KIRREL3: variants seen among roughly 807,000 people sequenced by gnomAD.
The protein encoded by KIRREL3 is kin of IRRE-like protein 3.
Under a neutral mutation model 89.7 loss-of-function variants are expected in KIRREL3, and 36 were observed. The ratio of observed to expected loss-of-function variants is 0.40; its 90% CI spans 0.31 to 0.53. KIRREL3 has a LOEUF of 0.53. Among genes scored for constraint, KIRREL3 ranks in the 20% least tolerant of loss-of-function variants. The pLI is 0.49. For synonymous variants in KIRREL3, 445 were observed against 441.4 expected, an observed-to-expected ratio of 1.01 and a Z score of -0.10; for missense variants, 864 against 1,056.6, an observed-to-expected ratio of 0.82 and a Z score of 2.53.
chr11:126,424,542 C>T lies in KIRREL3; in HGVS notation c.*38G>A, dbSNP rs763505983. 1 of 1,601,340 alleles carries T rather than the reference C, an allele frequency of 6.2e-7. No homozygotes were observed. Among genetic ancestry groups the T allele is most frequent in the Non-Finnish European group, 8.5e-7 (1 of 1,171,556 alleles). ...CTGGACAACCAGAACGTGCCCTGAC[C>T]TCTTCCCTGGCCCGTCCCCACCCGC... On this transcript the variant is annotated 3_prime_UTR_variant, in exon 17 of 17. Transcript: ENST00000525144.
rs886758853 is a variant in KIRREL3, at chr11:126,683,593, T to C, written c.56-120681A>G. Among the ~76,000 whole-genome samples the C allele has an allele frequency of 1.3e-5, 2 of 152,216 alleles. No individual in the cohort carries two copies. Among genetic ancestry groups the C allele is most frequent in the African/African-American group, 2.4e-5 (1 of 41,460 alleles). Reference sequence around the variant, plus strand: ...GGCACGTGATGCTCAGCACATTGCCTGACAATACTAAGTGTTCAACCAATG... The same window carrying C: ...GGCACGTGATGCTCAGCACATTGCCCGACAATACTAAGTGTTCAACCAATG... On this transcript the variant is annotated intron_variant, in intron 1 of 16. Transcript: ENST00000525144. This position sits in a 1 kb window ranked among gnomAD's most constrained non-coding sequence, Gnocchi z 5.2.
chr11:126,657,008 T>C (rs956384448), intron 1 of KIRREL3, among the ~76,000 whole-genome samples: 10 of 151,618 alleles, frequency 6.6e-5, no homozygotes, highest in Non-Finnish European at 1.0e-4. Context: ...GCTGAGATCA[T>C]GCCACTGCAC....
rs945513944 is a variant in KIRREL3, at chr11:126,993,951, G to A, written c.55+6504C>T. ...TGCAACAACAATCCACTGAATACAG[G>A]CCAAGTGAGCAGACCATCTAGATAA... On this transcript the variant is annotated intron_variant, in intron 1 of 16. Transcript: ENST00000525144. This position sits in a 1 kb window ranked among gnomAD's most constrained non-coding sequence, Gnocchi z 6.1. 6.6e-6 allele frequency among the ~76,000 whole-genome samples: 1 copy of A among 152,212 alleles called. No homozygotes were observed. The highest frequency in any genetic ancestry group is 2.1e-4 in the South Asian group (1 of 4,818).
intron 1 of KIRREL3, among the ~76,000 whole-genome samples, chr11:126,801,255 G>C (rs1325399267): frequency 6.6e-6 from 1 of 152,060 alleles, no homozygotes; most frequent in Admixed American, 6.5e-5. Context: ...ACAGTTAATT[G>C]ACAATTTTTG....
At chr11:126,693,029 G>A (rs1236743215) in intron 1 of KIRREL3, among the ~76,000 whole-genome samples, 1 of 152,144 alleles carries the variant, frequency 6.6e-6, no homozygotes, top group Non-Finnish European at 1.5e-5. Context: ...TCCTGCTCAC[G>A]CCCTTGGAAA....
rs998877957 is a variant in KIRREL3 at position 126,989,980 on chromosome 11, G to T, written c.55+10475C>A. 6.6e-6 allele frequency among the ~76,000 whole-genome samples: 1 copy of T among 152,062 alleles called. No homozygotes were observed. Among genetic ancestry groups the T allele is most frequent in the Non-Finnish European group, 1.5e-5 (1 of 68,030 alleles). ...CCTCATTTTAGCATCTGTTTGTTTTGTTTTTTCAGCATTTGCGGGGAATGA... is the reference window on the plus strand; with the variant it reads ...CCTCATTTTAGCATCTGTTTGTTTTTTTTTTTCAGCATTTGCGGGGAATGA... On this transcript the variant is annotated intron_variant, in intron 1 of 16. Transcript: ENST00000525144. This position sits in a 1 kb window ranked among gnomAD's most constrained non-coding sequence, Gnocchi z 6.2.
At chr11:126,698,831 G>C (rs1044452602) in intron 1 of KIRREL3, among the ~76,000 whole-genome samples, 2 of 152,222 alleles carry the variant, frequency 1.3e-5, no homozygotes, top group Non-Finnish European at 2.9e-5. Context: ...AGGTGGCCTC[G>C]TGCACAGAGC....
rs767510968 is a variant in KIRREL3, at chr11:126,996,691, C to G, written c.55+3764G>C. Among the ~76,000 whole-genome samples the G allele has an allele frequency of 6.6e-6, 1 of 152,186 alleles. No homozygotes were observed. The highest frequency in any genetic ancestry group is 1.5e-5 in the Non-Finnish European group (1 of 68,028). ...CTGCTGACAGCCCCTTTTGGTGTTT[C>G]CAGCCAGGCAGGAGAGCAAGTGGGC... On this transcript the variant is annotated intron_variant, in intron 1 of 16. Transcript: ENST00000525144. This position sits in a 1 kb window ranked among gnomAD's most constrained non-coding sequence, Gnocchi z 4.7.
chr11:126,514,767 G>A (rs751569266), intron 4 of KIRREL3, among the ~76,000 whole-genome samples: 2 of 152,086 alleles, frequency 1.3e-5, no homozygotes, highest in African/African-American at 2.4e-5. Flanking sequence ...TTTCAAGTGC[G>A]GGCAATCTGG....
At chr11:126,971,003 G>C (rs943945200) in intron 1 of KIRREL3, among the ~76,000 whole-genome samples, 1 of 152,180 alleles carries the variant, frequency 6.6e-6, no homozygotes, top group Non-Finnish European at 1.5e-5. Flanking sequence ...AACATGTTTA[G>C]TAAACATTGC....
chr11:126,456,554 G>C, intron 6 of KIRREL3, 100 bp from the exon 7 acceptor site: 1 of 785,336 alleles, frequency 1.3e-6, no homozygotes, highest in East Asian at 2.7e-5. Context: ...ACCACCCAGG[G>C]ACCCTCAGAG....
At position 126,788,757 on chromosome 11, in the gene KIRREL3, C is replaced by A. The variant is rs1423233354; in HGVS notation, c.55+211698G>T. On this transcript the variant is annotated intron_variant, in intron 1 of 16. Coordinates refer to ENST00000525144, the MANE Select transcript of KIRREL3 (RefSeq NM_032531.4). This position sits in a 1 kb window ranked among gnomAD's most constrained non-coding sequence, Gnocchi z 4.1. The stretch of plus-strand genomic sequence containing the variant: ...GATCTGGAAGCCGTCAGAGTTCAAT[C>A]TGGAGTCATCCAGGCAGCTGCATGT... Among the ~76,000 whole-genome samples the A allele has an allele frequency of 2.0e-5, 3 of 152,174 alleles. No homozygotes were observed. Among genetic ancestry groups the A allele is most frequent in the Non-Finnish European group, 4.4e-5 (3 of 68,038 alleles).
At chr11:126,716,987 A>C (rs1473724617) in intron 1 of KIRREL3, among the ~76,000 whole-genome samples, 2 of 152,158 alleles carry the variant, frequency 1.3e-5, no homozygotes, top group Admixed American at 1.3e-4. Context: ...CGTTTTTGAC[A>C]GATGAATGAC....
rs1947117268 is a variant in KIRREL3 at position 126,696,815 on chromosome 11, C to T, written c.56-133903G>A. On this transcript the variant is annotated intron_variant, in intron 1 of 16. Transcript: ENST00000525144. The surrounding 1 kb of genome is among the most constrained non-coding windows in gnomAD (Gnocchi z 4.4). ...GCTCCCTACATACAAAGGGCAGGAG[C>T]TAGACTGTGGAATGAGGTTGACTAG... Among the ~76,000 whole-genome samples, 1 of 152,158 alleles carries T rather than the reference C, an allele frequency of 6.6e-6. No homozygotes were observed. Among genetic ancestry groups the T allele is most frequent in the African/African-American group, 2.4e-5 (1 of 41,420 alleles).
intron 1 of KIRREL3, among the ~76,000 whole-genome samples, chr11:126,726,565 G>A (rs537809543): frequency 7.9e-5 from 12 of 152,096 alleles, no homozygotes; most frequent in East Asian, 3.9e-4. Flanking sequence ...TTGGGGTTTC[G>A]CCATGTTGGC....
At chr11:126,442,313 AACACACACACAC>A (rs71984147) in intron 10 of KIRREL3, among the ~76,000 whole-genome samples, 234 of 136,600 alleles carry the variant, frequency 1.7e-3, no homozygotes, top group Middle Eastern at 7.5e-3. Context: ...AGACACACAA[AACACACACACAC>A]ACACACACAC....
rs1409346849 is a variant in KIRREL3, at chr11:126,686,200, G to T, written c.56-123288C>A. Among the ~76,000 whole-genome samples the T allele has an allele frequency of 1.3e-5, 2 of 152,194 alleles. No homozygotes were observed. Among genetic ancestry groups the T allele is most frequent in the East Asian group, 3.9e-4 (2 of 5,184 alleles). On this transcript the variant is annotated intron_variant, in intron 1 of 16. Transcript: ENST00000525144. This position sits in a 1 kb window ranked among gnomAD's most constrained non-coding sequence, Gnocchi z 4.7. ...CTTCTCCTCCACAGCCCACCCACCT[G>T]CAGGGGCTTTCTCACGTGTGGCGCG...
chr11:126,718,226 G>A (rs1948042713), intron 1 of KIRREL3, among the ~76,000 whole-genome samples: 1 of 152,186 alleles, frequency 6.6e-6, no homozygotes, highest in Non-Finnish European at 1.5e-5. Context: ...GGCCCACCCA[G>A]AACTGCAGCC....
rs1431663220 is a variant in KIRREL3, at chr11:126,651,616, T to G, written c.56-88704A>C. Among the ~76,000 whole-genome samples the G allele has an allele frequency of 6.6e-6, 1 of 152,248 alleles. No individual in the cohort carries two copies. The highest frequency in any genetic ancestry group is 2.4e-5 in the African/African-American group (1 of 41,468). On this transcript the variant is annotated intron_variant, in intron 1 of 16. Coordinates refer to ENST00000525144, the MANE Select transcript of KIRREL3 (RefSeq NM_032531.4). This position sits in a 1 kb window ranked among gnomAD's most constrained non-coding sequence, Gnocchi z 4.6. Reference sequence around the variant, plus strand: ...AATTATCTAGGGGATTTATCAGGTTTGATTATAGATGCATAATGAATTTAC... The same window carrying G: ...AATTATCTAGGGGATTTATCAGGTTGGATTATAGATGCATAATGAATTTAC...
Sources: gnomAD v4.1 joint callset for allele counts (sites outside exome capture counted in the v4.1 genomes callset) on GRCh38, gnomAD v4.1.1 for gene constraint, Gnocchi (gnomAD v3.1) non-coding constraint, MANE v1.5 for transcripts, NCBI Gene and HGNC (gene_info 2026-07-23, HGNC 2026-07-21) for gene names.